The following SLC22A23 variants were observed in gnomAD, a reference collection of about 807,000 sequenced individuals.
The protein encoded by SLC22A23 is solute carrier family 22 member 23, also known as ion transporter protein.
Under a neutral mutation model 61.0 loss-of-function variants are expected in SLC22A23, and 26 were observed. The observed-to-expected ratio is 0.43, with a 90% CI of 0.31 to 0.59. The LOEUF (loss-of-function observed/expected upper bound fraction) is 0.59. Ranked by LOEUF, SLC22A23 falls within the 20% of genes least tolerant of loss-of-function variation. The pLI is 0.11. For synonymous variants in SLC22A23, 430 were observed against 413.9 expected, an observed-to-expected ratio of 1.04 and a Z score of -0.47; for missense variants, 796 against 934.7, an observed-to-expected ratio of 0.85 and a Z score of 1.94.
At chr6:3,431,963 T>G (rs1459434218) in intron 1 of SLC22A23, 1 of 153,290 alleles carries the variant, frequency 6.5e-6, no homozygotes, top group East Asian at 1.9e-4. Context: ...TGAGCTCCAC[T>G]GGGAGCTCTT....
intron 1 of SLC22A23, among the ~76,000 whole-genome samples, chr6:3,447,030 G>A (rs944054397): frequency 6.6e-6 from 1 of 152,190 alleles, no homozygotes; most frequent in Non-Finnish European, 1.5e-5. Context: ...CAGCCAGAGA[G>A]GTCTTTTCAA....
Position 3,318,631 on chromosome 6 carries a change from G to A in SLC22A23, c.1082+5203C>T, listed in dbSNP as rs570859213. Among the ~76,000 whole-genome samples the A allele has an allele frequency of 1.3e-5, 2 of 152,286 alleles. No individual in the cohort carries two copies. The highest frequency in any genetic ancestry group is 1.9e-4 in the East Asian group (1 of 5,182). Reference sequence around the variant, plus strand: ...TACCCCTTCCTCCTGGGAACTGAGAGTAATAAATGATCTTTCAATGGCAAT... The same window carrying A: ...TACCCCTTCCTCCTGGGAACTGAGAATAATAAATGATCTTTCAATGGCAAT... On this transcript the variant is annotated intron_variant, in intron 4 of 9. Transcript: ENST00000406686. This position sits in a 1 kb window ranked among gnomAD's most constrained non-coding sequence, Gnocchi z 4.3.
chr6:3,411,745 T>G (rs1020383877), intron 2 of SLC22A23, among the ~76,000 whole-genome samples: 1 of 152,172 alleles, frequency 6.6e-6, no homozygotes, highest in Admixed American at 6.5e-5. Flanking sequence ...GTTCTAACCA[T>G]TCCCATCAGT....
rs1297507374 is a variant in SLC22A23, at chr6:3,328,264, G to C, written c.914-4262C>G. Among the ~76,000 whole-genome samples, 4 of 151,978 alleles carry C rather than the reference G, an allele frequency of 2.6e-5. No individual in the cohort carries two copies. Among genetic ancestry groups the C allele is most frequent in the Admixed American group, 1.3e-4 (2 of 15,224 alleles). ...GGCATTTGTTTAGTGAATCAACAGG[G>C]ACCATGACTAAGTCTGAGCACAGAG... On this transcript the variant is annotated intron_variant, in intron 3 of 9. Coordinates refer to ENST00000406686, the MANE Select transcript of SLC22A23 (RefSeq NM_015482.2). This position sits in a 1 kb window ranked among gnomAD's most constrained non-coding sequence, Gnocchi z 5.0.
At chr6:3,437,519 CAAAAAAAAATT>C (rs1311057389) in intron 1 of SLC22A23, among the ~76,000 whole-genome samples, 1 of 149,560 alleles carries the variant, frequency 6.7e-6, no homozygotes. Flanking sequence ...CTACTAAAAA[CAAAAAAAAATT>C]AAAAAAAAAT....
intron 3 of SLC22A23, among the ~76,000 whole-genome samples, chr6:3,355,885 T>A (rs4959817): frequency 0.78 from 115,027 of 148,308 alleles, 44,981 homozygotes; most frequent in East Asian, 0.87. Context: ...GCTGAGGTAT[T>A]AAAAAAAGAA....
At chr6:3,364,380 G>A (rs1765670772) in intron 3 of SLC22A23, among the ~76,000 whole-genome samples, 1 of 152,144 alleles carries the variant, frequency 6.6e-6, no homozygotes, top group Non-Finnish European at 1.5e-5. Context: ...GAGCTAAGAA[G>A]GTCTCAACTG....
intron 4 of SLC22A23, among the ~76,000 whole-genome samples, chr6:3,314,282 T>C (rs1762513938): frequency 6.6e-6 from 1 of 152,222 alleles, no homozygotes; most frequent in Admixed American, 6.5e-5. Flanking sequence ...GGCCCTCCGC[T>C]TGCCCGGCAT....
intron 3 of SLC22A23, among the ~76,000 whole-genome samples, chr6:3,388,483 C>T (rs528621308): frequency 9.9e-5 from 15 of 152,206 alleles, no homozygotes; most frequent in African/African-American, 3.1e-4. Context: ...AGCCAGCCAC[C>T]GTGGAAAACT....
chr6:3,363,788 C>T (rs1394127884), intron 3 of SLC22A23, among the ~76,000 whole-genome samples: 1 of 152,258 alleles, frequency 6.6e-6, no homozygotes, highest in Non-Finnish European at 1.5e-5. Context: ...GGCCTCTGCT[C>T]AGCCATCTAC....
At chr6:3,365,341 CAAAAT>C (rs1318360448) in intron 3 of SLC22A23, among the ~76,000 whole-genome samples, 1 of 152,062 alleles carries the variant, frequency 6.6e-6, no homozygotes, top group Non-Finnish European at 1.5e-5. Context: ...AACAAACAAA[CAAAAT>C]AAACCGCCCT....
At chr6:3,413,483 C>A (rs1347653236) in intron 2 of SLC22A23, among the ~76,000 whole-genome samples, 1 of 152,252 alleles carries the variant, frequency 6.6e-6, no homozygotes, top group Non-Finnish European at 1.5e-5. Context: ...CAGAGGGCTG[C>A]TGCAGTAACA....
chr6:3,322,169 G>A lies in SLC22A23; in HGVS notation c.1082+1665C>T, dbSNP rs1369534169. Among the ~76,000 whole-genome samples, 1 of 152,134 alleles carries A rather than the reference G, an allele frequency of 6.6e-6. No individual in the cohort carries two copies. Among genetic ancestry groups the A allele is most frequent in the Non-Finnish European group, 1.5e-5 (1 of 68,026 alleles). On this transcript the variant is annotated intron_variant, in intron 4 of 9. Transcript: ENST00000406686. The surrounding 1 kb of genome is among the most constrained non-coding windows in gnomAD (Gnocchi z 4.1). ...AGTCAGCGGGGGTCAGGGGACCGCGGTTCTGTCCTCTATAGGATGGGCTGC... is the reference window on the plus strand; with the variant it reads ...AGTCAGCGGGGGTCAGGGGACCGCGATTCTGTCCTCTATAGGATGGGCTGC...
In SLC22A23 at chr6:3,410,327, A is replaced by C. The variant is rs754693894; in HGVS notation, c.774T>G (p.Pro258=). 3.1e-5 allele frequency: 50 copies of C among 1,610,216 alleles called. No homozygotes were observed. The highest frequency in any genetic ancestry group is 4.1e-5 in the Non-Finnish European group (48 of 1,178,408). Residue 258 remains proline (P), a synonymous_variant, in exon 3 of 10, where the codon CCT becomes CCG. Transcript: ENST00000406686. The surrounding 1 kb of genome is among the most constrained non-coding windows in gnomAD (Gnocchi z 5.0). ...TGAAGATGATGGAAAACAGCAGCAC[A>C]GGCCGCCGGCCGACCCTGCATATGG... ...GCIADWVGRR[P]VLLFSIIFIL...
At chr6:3,421,917 G>A (rs757915178) in intron 1 of SLC22A23, among the ~76,000 whole-genome samples, 5 of 152,204 alleles carry the variant, frequency 3.3e-5, no homozygotes, top group African/African-American at 4.8e-5. Flanking sequence ...GGTTAAGCAC[G>A]TTAATGCTCA....
chr6:3,274,336 C>T (rs763868871), intron 9 of SLC22A23, among the ~76,000 whole-genome samples: 1 of 152,206 alleles, frequency 6.6e-6, no homozygotes. Flanking sequence ...GCTGCCTGGT[C>T]CCCAGTTCTG....
At chr6:3,314,302 C>G (rs946759096) in intron 4 of SLC22A23, among the ~76,000 whole-genome samples, 16 of 152,236 alleles carry the variant, frequency 1.1e-4, no homozygotes, top group African/African-American at 3.6e-4. Context: ...TTCCAGGTCC[C>G]TGGGCCACAG....
At chr6:3,452,599 T>TAAAAAAAAAAAAAAAAAAAAA (rs570923626) in intron 1 of SLC22A23, among the ~76,000 whole-genome samples, 1 of 40,560 alleles carries the variant, frequency 2.5e-5, no homozygotes, top group Non-Finnish European at 4.1e-5. Flanking sequence ...AGACGCTGTC[T>TAAAAAAAAAAAAAAAAAAAAA]AAAAAAAAAA....
chr6:3,402,994 G>T (rs573280155), intron 3 of SLC22A23, among the ~76,000 whole-genome samples: 2 of 152,166 alleles, frequency 1.3e-5, no homozygotes, highest in African/African-American at 4.8e-5. Context: ...GGCAGGATGC[G>T]CTGATTTGAG....
Sources: allele counts gnomAD v4.1 joint callset (sites outside exome capture counted in the v4.1 genomes callset), GRCh38; gene constraint gnomAD v4.1.1; non-coding constraint Gnocchi (gnomAD v3.1); transcripts MANE v1.5; gene names NCBI Gene and HGNC (gene_info 2026-07-23, HGNC 2026-07-21).